MFSD6: variants seen among roughly 807,000 people sequenced by gnomAD.
MFSD6 encodes the protein major facilitator superfamily domain-containing protein 6.
In MFSD6, 26 loss-of-function variants were observed where a neutral mutation model predicts 56.3. The observed-to-expected ratio is 0.46, with a 90% confidence interval of 0.34 to 0.64. The LOEUF (loss-of-function observed/expected upper bound fraction) is 0.64, where lower values mean the gene tolerates loss of function less well. Among genes scored for constraint, MFSD6 ranks in the 30% least tolerant of loss-of-function variants. The pLI is 0.01. For synonymous variants in MFSD6, 331 were observed against 366.9 expected (o/e 0.90, Z 1.12); for missense variants, 750 against 986.2 (o/e 0.76, Z 3.21).
chr2:190,493,598 T>A (rs1689489987), intron 6 of MFSD6, among the ~76,000 whole-genome samples: 1 of 152,118 alleles, frequency 6.6e-6, no homozygotes, highest in Non-Finnish European at 1.5e-5. Context: ...TGGAACTTTC[T>A]CCAAGATAGA....
At position 190,488,391 on chromosome 2, in the gene MFSD6, A is replaced by T. The variant is rs1216727607; in HGVS notation, c.1631-266A>T. Reference sequence around the variant, plus strand: ...AGGGGATGGGACAAGGGGTGAGTGTAAGTTATGGTTTAAGGGGTACAGAAT... The same window carrying T: ...AGGGGATGGGACAAGGGGTGAGTGTTAGTTATGGTTTAAGGGGTACAGAAT... On this transcript the variant is annotated intron_variant, in intron 4 of 7. Transcript: ENST00000392328. The surrounding 1 kb of genome is among the most constrained non-coding windows in gnomAD (Gnocchi z 6.4). 1.3e-5 allele frequency among the ~76,000 whole-genome samples: 2 copies of T among 152,172 alleles called. No homozygotes were observed. Among genetic ancestry groups the T allele is most frequent in the African/African-American group, 4.8e-5 (2 of 41,452 alleles).
intron 4 of MFSD6, among the ~76,000 whole-genome samples, chr2:190,474,067 T>G (rs1346881801): frequency 1.3e-5 from 2 of 151,050 alleles, no homozygotes; most frequent in South Asian, 2.1e-4. Context: ...GTCAAAGCAG[T>G]GTGTAGAGGG....
chr2:190,419,301 G>A (rs1442924008), intron 2 of MFSD6, among the ~76,000 whole-genome samples: 1 of 152,166 alleles, frequency 6.6e-6, no homozygotes, highest in Non-Finnish European at 1.5e-5. Context: ...TGTCTATACT[G>A]GTCATAATTG....
chr2:190,431,634 C>T lies in MFSD6; in HGVS notation c.-53-4343C>T, dbSNP rs1686006412. Among the ~76,000 whole-genome samples the T allele has an allele frequency of 1.3e-5, 2 of 152,156 alleles. No homozygotes were observed. Among genetic ancestry groups the T allele is most frequent in the African/African-American group, 4.8e-5 (2 of 41,440 alleles). ...GCAGGGGAATCAGGCAGGGAGGTTG[C>T]AGTGAGCCGAGATGGCAGCAGTACA... On this transcript the variant is annotated intron_variant, in intron 2 of 7. Coordinates refer to ENST00000392328, the MANE Select transcript of MFSD6 (RefSeq NM_017694.4). This position sits in a 1 kb window ranked among gnomAD's most constrained non-coding sequence, Gnocchi z 4.4.
intron 3 of MFSD6, chr2:190,464,800 A>T: frequency 3.1e-5 from 14 of 455,342 alleles, no homozygotes; most frequent in Non-Finnish European, 4.0e-5. Context: ...GACCAAGTAG[A>T]TTTCCTCTTC....
intron 4 of MFSD6, among the ~76,000 whole-genome samples, chr2:190,470,303 G>A (rs1382326740): frequency 6.6e-6 from 1 of 152,042 alleles, no homozygotes; most frequent in Non-Finnish European, 1.5e-5. Context: ...TATAACTAAA[G>A]TTTTATAGCC....
chr2:190,422,989 A>C (rs559794624), intron 2 of MFSD6, among the ~76,000 whole-genome samples: 1 of 152,174 alleles, frequency 6.6e-6, no homozygotes, highest in Non-Finnish European at 1.5e-5. Context: ...AGATAAGAAA[A>C]TACATTATCA....
At position 190,497,623 on chromosome 2, in the gene MFSD6, T is replaced by C. The variant is rs942723498; in HGVS notation, c.2076T>C (p.Ser692=). 1 of 1,613,820 alleles carries C rather than the reference T, an allele frequency of 6.2e-7. No individual in the cohort carries two copies. Among genetic ancestry groups the C allele is most frequent in the African/African-American group, 1.3e-5 (1 of 74,916 alleles). The part of the protein sequence containing the change: ...DVNKPAWGVS[S]SPWVTFVYAL... ...ACAAACCAGCCTGGGGAGTCAGCTC[T>C]TCTCCCTGGGTGACCTTTGTCTATG... is the stretch of plus-strand genomic sequence containing the variant. Residue 692 remains serine, a synonymous_variant, in exon 7 of 8, where the codon TCT becomes TCC. Coordinates refer to ENST00000392328, the MANE Select transcript of MFSD6 (RefSeq NM_017694.4). This position sits in a 1 kb window ranked among gnomAD's most constrained non-coding sequence, Gnocchi z 5.2.
rs1325492591 is a variant in MFSD6, at chr2:190,451,996, G to GT, written c.1532+14442dup. On this transcript the variant is annotated intron_variant, in intron 3 of 7. Coordinates refer to ENST00000392328, the MANE Select transcript of MFSD6 (RefSeq NM_017694.4). The surrounding 1 kb of genome is among the most constrained non-coding windows in gnomAD (Gnocchi z 5.0). ...TTTTAGAGAAATTACAAGCTGTGCTGTTTTTTTGAGTCATCAGCTGATGAT... is the reference window on the plus strand; with the variant it reads ...TTTTAGAGAAATTACAAGCTGTGCTGTTTTTTTTGAGTCATCAGCTGATGAT... Among the ~76,000 whole-genome samples the GT allele has an allele frequency of 2.0e-5, 3 of 151,220 alleles. No homozygotes were observed. The highest frequency in any genetic ancestry group is 2.1e-4 in the South Asian group (1 of 4,800).
chr2:190,430,319 GA>G (rs1559106908), intron 2 of MFSD6, among the ~76,000 whole-genome samples: 1 of 150,686 alleles, frequency 6.6e-6, no homozygotes, highest in Non-Finnish European at 1.5e-5. Context: ...AGTGAACAAA[GA>G]TCTCTGGTTT....
At chr2:190,411,161 G>GTT (rs374442207) in intron 1 of MFSD6, 15,962 of 746,490 alleles carry the variant, frequency 0.021, no homozygotes, top group Non-Finnish European at 0.023. Context: ...GTTGACAGTA[G>GTT]TTTTTTTTTT....
At chr2:190,472,301 G>T (rs552146040) in intron 4 of MFSD6, among the ~76,000 whole-genome samples, 3 of 152,330 alleles carry the variant, frequency 2.0e-5, no homozygotes, top group South Asian at 2.1e-4. Context: ...GCTAAAGGAA[G>T]AAGTTCAAAC....
chr2:190,473,115 C>T (rs1373383349), intron 4 of MFSD6, among the ~76,000 whole-genome samples: 2 of 152,156 alleles, frequency 1.3e-5, no homozygotes, highest in South Asian at 2.1e-4. Context: ...ACAACCGGTA[C>T]CAGCTACTGC....
chr2:190,443,181 G>A lies in MFSD6; in HGVS notation c.1532+5620G>A, dbSNP rs546704843. On this transcript the variant is annotated intron_variant, in intron 3 of 7. Transcript: ENST00000392328. This position sits in a 1 kb window ranked among gnomAD's most constrained non-coding sequence, Gnocchi z 4.2. The stretch of plus-strand genomic sequence containing the variant: ...GTTCCTAGGTGGGCCTAAGACATAA[G>A]CAAGGGAGAAAAAAAATAAAAGGAA... Among the ~76,000 whole-genome samples the A allele has an allele frequency of 3.9e-4, 59 of 152,224 alleles. No individual in the cohort carries two copies. Among genetic ancestry groups the A allele is most frequent in the Non-Finnish European group, 6.6e-4 (45 of 67,998 alleles).
chr2:190,470,333 AACTT>A (rs1687846537), intron 4 of MFSD6, among the ~76,000 whole-genome samples: 1 of 152,178 alleles, frequency 6.6e-6, no homozygotes. Context: ...TTTTTCCATG[AACTT>A]TAAAAAATCT....
Position 190,412,159 on chromosome 2 carries a change from T to C in MFSD6, c.-175-3133T>C, listed in dbSNP as rs1344666152. On this transcript the variant is annotated intron_variant, in intron 1 of 7. Coordinates refer to ENST00000392328, the MANE Select transcript of MFSD6 (RefSeq NM_017694.4). This position sits in a 1 kb window ranked among gnomAD's most constrained non-coding sequence, Gnocchi z 4.1. ...TCTATGTAAAATTAACTAAAACCAC[T>C]GCTTAGAATCCTTAAAAATTAATAC... is the stretch of plus-strand genomic sequence containing the variant. 1.0e-6 allele frequency: 1 copy of C among 983,868 alleles called. No individual in the cohort carries two copies. Among genetic ancestry groups the C allele is most frequent in the East Asian group, 1.1e-4 (1 of 8,822 alleles). The allele number at this position is 983,868 out of a possible 1,614,324, so 60.9% of individuals were successfully genotyped here. A position where few individuals can be genotyped will look rare whatever the true frequency, so the allele number is the denominator to read the frequency against.
intron 4 of MFSD6, among the ~76,000 whole-genome samples, chr2:190,474,678 T>A (rs1215136777): frequency 1.3e-5 from 2 of 152,066 alleles, no homozygotes; most frequent in Non-Finnish European, 1.5e-5. Flanking sequence ...ACTATTCCAA[T>A]CAAGAGAAAA....
rs1469824014 is a variant in MFSD6, at chr2:190,415,521, C to T, written c.-54+108C>T. The T allele has an allele frequency of 6.6e-6, 1 of 152,178 alleles. No homozygotes were observed. Among genetic ancestry groups the T allele is most frequent in the Non-Finnish European group, 1.5e-5 (1 of 68,024 alleles). 9.4% of individuals were successfully genotyped at this position (152,178 alleles called of 1,614,324 possible). On this transcript the variant is annotated intron_variant, in intron 2 of 7. Transcript: ENST00000392328. The surrounding 1 kb of genome is among the most constrained non-coding windows in gnomAD (Gnocchi z 4.5). ...CTGGCTTCAAGTGATCCTCCCGCCT[C>T]TGTCTCCCAAAGTGCTGGGATTACG...
chr2:190,430,847 A>AC (rs1411055409), intron 2 of MFSD6, among the ~76,000 whole-genome samples: 1,709 of 120,998 alleles, frequency 0.014, 2 homozygotes, highest in Admixed American at 0.02. Context: ...GCGGGGGCTG[A>AC]CCCCCCACCT....
Sources: allele counts gnomAD v4.1 joint callset (sites outside exome capture counted in the v4.1 genomes callset), GRCh38; gene constraint gnomAD v4.1.1; non-coding constraint Gnocchi (gnomAD v3.1); transcripts MANE v1.5; gene names NCBI Gene and HGNC (gene_info 2026-07-23, HGNC 2026-07-21).